LITAF: variants seen among roughly 807,000 people sequenced by gnomAD.
The protein encoded by LITAF is lipopolysaccharide induced TNF factor.
A neutral mutation model predicts 14.5 loss-of-function variants in LITAF; 9 were observed. The ratio of observed to expected loss-of-function variants is 0.62; its 90% confidence interval spans 0.37 to 1.08. The LOEUF (loss-of-function observed/expected upper bound fraction) is 1.08, where lower values mean the gene tolerates loss of function less well. LITAF is among the 50% of genes least tolerant of loss of function. The pLI, the probability that LITAF is intolerant of heterozygous loss-of-function variation, is 0.01. For missense variants in LITAF, 206 were observed against 213.4 expected (o/e 0.97, Z 0.22); for synonymous variants, 98 against 88.2 (o/e 1.11, Z -0.62).
intron 1 of LITAF, among the ~76,000 whole-genome samples, chr16:11,571,131 G>T (rs566581253): frequency 2.9e-4 from 44 of 152,164 alleles, no homozygotes; most frequent in Middle Eastern, 3.4e-3. Flanking sequence ...GTAGTAGTGC[G>T]ATCTCAGCTC....
Position 11,580,516 on chromosome 16 carries a change from A to G in LITAF, c.-6+6370T>C, listed in dbSNP as rs1176454917. ...CATGATCCACCCACCTTGGCCTCCC[A>G]AAGTGCTGGTATTACAGGCGTGAGC... is the stretch of plus-strand genomic sequence containing the variant. On this transcript the variant is annotated intron_variant, in intron 1 of 3. Transcript: ENST00000622633. Among the ~76,000 whole-genome samples the G allele has an allele frequency of 2.6e-5, 4 of 152,156 alleles. No homozygotes were observed. The East Asian group carries it at 7.7e-4, about 29-fold the overall frequency.
intron 1 of LITAF, among the ~76,000 whole-genome samples, chr16:11,594,814 T>C (rs1409059722): frequency 6.6e-6 from 1 of 151,742 alleles, no homozygotes; most frequent in Non-Finnish European, 1.5e-5. Context: ...AGGTGGAGGC[T>C]GCAGTGAGCC....
At chr16:11,626,692 G>C (rs941422397) in intron 3 of LITAF, among the ~76,000 whole-genome samples, 1 of 151,320 alleles carries the variant, frequency 6.6e-6, no homozygotes, top group African/African-American at 2.4e-5. Context: ...GGCTGGTCTC[G>C]AACTCCCACC....
At chr16:11,551,705 A>G (rs1357182928) in intron 3 of LITAF, 2 of 660,452 alleles carry the variant, frequency 3.0e-6, no homozygotes, top group Non-Finnish European at 5.4e-6. Context: ...GGTGGCACAC[A>G]CCTGTGGTCC....
Position 11,605,202 on chromosome 16 carries a change from C to T in LITAF, c.85+28331G>A, listed in dbSNP as rs887639783. On this transcript the variant is annotated intron_variant, in intron 3 of 3. Coordinates refer to the LITAF transcript ENST00000574848. The surrounding 1 kb of genome is among the most constrained non-coding windows in gnomAD (Gnocchi z 4.7). Reference sequence around the variant, plus strand: ...GCTCTCAGCATCCCCCCAGCCAGCTCTGGATGGAGGATGAGCTGAATTACG... The same window carrying T: ...GCTCTCAGCATCCCCCCAGCCAGCTTTGGATGGAGGATGAGCTGAATTACG... 6.6e-6 allele frequency among the ~76,000 whole-genome samples: 1 copy of T among 152,194 alleles called. No individual in the cohort carries two copies.
At chr16:11,615,199 C>A (rs1426562279) in intron 3 of LITAF, among the ~76,000 whole-genome samples, 2 of 152,172 alleles carry the variant, frequency 1.3e-5, no homozygotes, top group African/African-American at 4.8e-5. Context: ...CACCCAGAGC[C>A]CCATCTACCC....
chr16:11,610,945 G>C (rs55839873), intron 3 of LITAF, among the ~76,000 whole-genome samples: 1 of 151,840 alleles, frequency 6.6e-6, no homozygotes, highest in South Asian at 2.1e-4. Flanking sequence ...AAACACTTAG[G>C]ACCCCTCTCC....
upstream of LITAF, among the ~76,000 whole-genome samples, chr16:11,603,351 A>C (rs1258043994): frequency 1.3e-5 from 2 of 152,248 alleles, no homozygotes; most frequent in South Asian, 4.1e-4. Context: ...TTGAGCTGTC[A>C]GCAGGCTTTT....
At chr16:11,595,660 C>T (rs932172841) in intron 1 of LITAF, among the ~76,000 whole-genome samples, 4 of 152,060 alleles carry the variant, frequency 2.6e-5, no homozygotes, top group African/African-American at 4.8e-5. Flanking sequence ...ACCTGGGAGG[C>T]GGAGCTTGCA....
chr16:11,608,980 C>CAAACA (rs2064968563), intron 3 of LITAF, among the ~76,000 whole-genome samples: 1 of 149,696 alleles, frequency 6.7e-6, no homozygotes, highest in African/African-American at 2.5e-5. Flanking sequence ...AACAAACAAA[C>CAAACA]AAAAAAAAAC....
chr16:11,627,132 G>C (rs987233812), intron 3 of LITAF, among the ~76,000 whole-genome samples: 1 of 152,180 alleles, frequency 6.6e-6, no homozygotes, highest in Non-Finnish European at 1.5e-5. Context: ...ACATGACCAA[G>C]CCTGGCCAGT....
intron 3 of LITAF, among the ~76,000 whole-genome samples, chr16:11,621,114 C>T (rs2065048188): frequency 6.6e-6 from 1 of 151,844 alleles, no homozygotes; most frequent in Non-Finnish European, 1.5e-5. Context: ...GCCTGGAGTG[C>T]AATGGCAGTG....
intron 1 of LITAF, among the ~76,000 whole-genome samples, chr16:11,593,407 A>G (rs1423041281): frequency 6.6e-6 from 1 of 151,202 alleles, no homozygotes; most frequent in African/African-American, 2.4e-5. Context: ...ATTGGTAAGG[A>G]TGTGAAGAAA....
upstream of LITAF, among the ~76,000 whole-genome samples, chr16:11,638,642 A>C (rs2065152376): frequency 7.2e-6 from 1 of 138,778 alleles, no homozygotes; most frequent in Non-Finnish European, 1.5e-5. Context: ...TGGAGGTTGC[A>C]GTGAGCTGAG....
intron 1 of LITAF, among the ~76,000 whole-genome samples, chr16:11,571,914 T>C (rs547844803): frequency 2.9e-3 from 442 of 151,890 alleles, no homozygotes; most frequent in Non-Finnish European, 5.5e-3. Context: ...CTGAGCAAAA[T>C]GGCAAAACTC....
At chr16:11,591,172 C>T (rs191719863), upstream of LITAF, among the ~76,000 whole-genome samples, 88 of 117,928 alleles carry the variant, frequency 7.5e-4, 17 homozygotes, top group Non-Finnish European at 2.6e-4. Context: ...TTGGAGGATC[C>T]ACTGTTTCTG....
intron 1 of LITAF, among the ~76,000 whole-genome samples, chr16:11,573,999 G>T (rs2064588851): frequency 7.6e-6 from 1 of 131,592 alleles, no homozygotes; most frequent in African/African-American, 2.9e-5. Context: ...AAGGTGCCCG[G>T]CGTTTTTTTG....
chr16:11,611,857 G>T (rs1233752015), intron 3 of LITAF, among the ~76,000 whole-genome samples: 2 of 151,920 alleles, frequency 1.3e-5, no homozygotes, highest in African/African-American at 4.8e-5. Context: ...TAGAAACAGG[G>T]TTTCACCATG....
intron 3 of LITAF, among the ~76,000 whole-genome samples, chr16:11,608,516 A>C (rs1339165673): frequency 1.3e-5 from 2 of 152,266 alleles, no homozygotes; most frequent in Non-Finnish European, 2.9e-5. Context: ...GAAACACCCC[A>C]AATGTCCGTC....
Sources: gnomAD v4.1 joint callset for allele counts (sites outside exome capture counted in the v4.1 genomes callset) on GRCh38, gnomAD v4.1.1 for gene constraint, Gnocchi (gnomAD v3.1) non-coding constraint, MANE v1.5 for transcripts, NCBI Gene and HGNC (gene_info 2026-07-23, HGNC 2026-07-21) for gene names.